Variants in JPH2 observed in about 807,000 individuals in gnomAD.
JPH2 encodes the protein junctophilin 2, also known as junctophilin-2.
Under a neutral mutation model 55.9 loss-of-function variants are expected in JPH2, and 38 were observed. The observed-to-expected ratio is 0.68, with a 90% CI of 0.52 to 0.89. JPH2 has a LOEUF of 0.89. Among genes scored for constraint, JPH2 ranks in the 40% least tolerant of loss-of-function variants. JPH2 has a pLI of 0.00. For synonymous variants in JPH2, 480 were observed against 472.4 expected, an observed-to-expected ratio of 1.02 and a Z score of -0.21; for missense variants, 964 against 1,037.6, an observed-to-expected ratio of 0.93 and a Z score of 0.97.
rs2072121690 is a variant in JPH2, at chr20:44,108,542, G to A, written c.*4976C>T. Among the ~76,000 whole-genome samples the A allele has an allele frequency of 6.6e-6, 1 of 150,924 alleles. No homozygotes were observed. Among genetic ancestry groups the A allele is most frequent in the South Asian group, 2.1e-4 (1 of 4,798 alleles). On this transcript the variant is annotated 3_prime_UTR_variant, in exon 6 of 6. Transcript: ENST00000372980. The stretch of plus-strand genomic sequence containing the variant: ...CAGCCTCAAGATTGCTGACTTTACA[G>A]CCTCAAGATGTAAATAGCTTTAAAA...
chr20:44,161,206 C>G (rs2145880408), intron 1 of JPH2, among the ~76,000 whole-genome samples: 1 of 152,118 alleles, frequency 6.6e-6, no homozygotes, highest in Admixed American at 6.5e-5. Context: ...TATCAGAGTG[C>G]CAAAGAACAA....
At chr20:44,138,009 C>CTTTTTTTT (rs556691395) in intron 2 of JPH2, among the ~76,000 whole-genome samples, 35 of 140,796 alleles carry the variant, frequency 2.5e-4, no homozygotes, top group African/African-American at 9.2e-4. Context: ...TTAAAAAGAC[C>CTTTTTTTT]TTTTTTTTTT....
chr20:44,133,047 A>G (rs1357068029), intron 2 of JPH2, among the ~76,000 whole-genome samples: 8 of 4,130 alleles, frequency 1.9e-3, no homozygotes, highest in East Asian at 4.8e-3. Flanking sequence ...CACAGCTGCA[A>G]CTCTCACCCA....
At chr20:44,184,192 T>C (rs141822579) in intron 1 of JPH2, among the ~76,000 whole-genome samples, 149 of 152,164 alleles carry the variant, frequency 9.8e-4, no homozygotes, top group African/African-American at 3.0e-3. Context: ...AGATAGTAAA[T>C]ACTTTGGGTT....
chr20:44,186,254 T>C, intron 1 of JPH2, 73 bp downstream of exon 1: 5 of 1,564,850 alleles, frequency 3.2e-6, no homozygotes, highest in Non-Finnish European at 4.3e-6. Context: ...CCGGTCGCCT[T>C]TCCCACCCTC....
intron 2 of JPH2, among the ~76,000 whole-genome samples, chr20:44,138,310 C>T (rs568420017): frequency 3.3e-4 from 50 of 150,910 alleles, no homozygotes; most frequent in Admixed American, 2.5e-3. Flanking sequence ...GGATTACAGG[C>T]GTGAGCTTTA....
Position 44,116,071 on chromosome 20 carries a change from G to A in JPH2, c.1604C>T (p.Pro535Leu), listed in dbSNP as rs1217775823. The change falls in exon 4 of 6, where the codon CCC becomes CTC. Residue 535 changes from proline to leucine, a missense_variant. By Grantham distance (98) the Pro-to-Leu change is moderately conservative. Transcript: ENST00000372980. The stretch of plus-strand genomic sequence containing the variant: ...CATGCGCTCGGTGGCTGGACGCGCG[G>A]GGCTGCGGCGGCCCGCGCCCTCGGA... ...TPSEGAGRRS[P>L]ARPATERMAI... is the part of the protein sequence containing the mutation. 2 of 1,536,344 alleles carry A rather than the reference G, an allele frequency of 1.3e-6. No homozygotes were observed. The highest frequency in any genetic ancestry group is 1.7e-6 in the Non-Finnish European group (2 of 1,152,502).
chr20:44,134,009 A>G (rs1184617012), intron 2 of JPH2, among the ~76,000 whole-genome samples: 1 of 32,594 alleles, frequency 3.1e-5, no homozygotes, highest in Non-Finnish European at 5.1e-5. Context: ...ATATAAATAT[A>G]TATATTATAA....
rs565445622 is a variant in JPH2, at chr20:44,122,319, G to A, written c.1170-3696C>T. Among the ~76,000 whole-genome samples, 6 of 152,314 alleles carry A rather than the reference G, an allele frequency of 3.9e-5. No individual in the cohort carries two copies. The South Asian group carries it at 1.0e-3, about 26-fold the overall frequency. On this transcript the variant is annotated intron_variant, in intron 2 of 5. Coordinates refer to ENST00000372980, the MANE Select transcript of JPH2 (RefSeq NM_020433.5). ...ACACAGTTTTAGAATTAACAGGCCT[G>A]GATTCCAATTTGGGCTCTGCCAAGG...
chr20:44,175,754 A>G (rs375108995), intron 1 of JPH2, among the ~76,000 whole-genome samples: 1 of 152,228 alleles, frequency 6.6e-6, no homozygotes, highest in Non-Finnish European at 1.5e-5. Flanking sequence ...GGGTGCTGAC[A>G]GCCCTGGAGC....
At chr20:44,134,889 A>T (rs1333609225) in intron 2 of JPH2, among the ~76,000 whole-genome samples, 43 of 37,030 alleles carry the variant, frequency 1.2e-3, no homozygotes, top group African/African-American at 4.1e-3. Flanking sequence ...TATATATATT[A>T]ATATATATTT....
At chr20:44,184,882 T>G (rs1203221048) in intron 1 of JPH2, among the ~76,000 whole-genome samples, 1 of 152,244 alleles carries the variant, frequency 6.6e-6, no homozygotes, top group East Asian at 1.9e-4. Flanking sequence ...TGCAACAGTA[T>G]CTGTACATAC....
At chr20:44,185,489 G>T (rs968029942) in intron 1 of JPH2, among the ~76,000 whole-genome samples, 1 of 151,068 alleles carries the variant, frequency 6.6e-6, no homozygotes, top group Admixed American at 6.6e-5. Flanking sequence ...ACAAAAATTA[G>T]CCAGGCATGG....
chr20:44,134,859 TA>T (rs2072393655), intron 2 of JPH2, among the ~76,000 whole-genome samples: 6 of 39,238 alleles, frequency 1.5e-4, no homozygotes, highest in Non-Finnish European at 2.6e-4. Context: ...TATAAATATA[TA>T]TATAAATATA....
intron 2 of JPH2, among the ~76,000 whole-genome samples, chr20:44,134,928 T>TAAAG (rs1569195998): frequency 9.0e-6 from 1 of 111,524 alleles, no homozygotes; most frequent in Admixed American, 1.3e-4. Context: ...TATATATTTA[T>TAAAG]ATATATATAT....
chr20:44,144,855 T>A (rs564067059), intron 2 of JPH2, among the ~76,000 whole-genome samples: 1 of 152,312 alleles, frequency 6.6e-6, no homozygotes, highest in African/African-American at 2.4e-5. Flanking sequence ...AAGGGGGCAC[T>A]CAGAGATGCC....
At chr20:44,158,178 G>A (rs910711821) in intron 2 of JPH2, among the ~76,000 whole-genome samples, 2 of 152,202 alleles carry the variant, frequency 1.3e-5, no homozygotes, top group African/African-American at 2.4e-5. Context: ...AGGACAGAAC[G>A]GCAGCTGCCG....
rs1287287312 is a variant in JPH2, at chr20:44,108,479, A to G, written c.*5039T>C. Among the ~76,000 whole-genome samples the G allele has an allele frequency of 1.3e-5, 2 of 152,044 alleles. No individual in the cohort carries two copies. Among genetic ancestry groups the G allele is most frequent in the Non-Finnish European group, 2.9e-5 (2 of 68,010 alleles). ...AAACTTGTATCTGGGGTCTGAAGGG[A>G]GAGGGGGAGATTGTTCCCTCAGACT... is the stretch of plus-strand genomic sequence containing the variant. On this transcript the variant is annotated 3_prime_UTR_variant, in exon 6 of 6. Transcript: ENST00000372980.
At chr20:44,146,048 T>A (rs973509700) in intron 2 of JPH2, among the ~76,000 whole-genome samples, 7 of 151,502 alleles carry the variant, frequency 4.6e-5, no homozygotes, top group African/African-American at 1.7e-4. Flanking sequence ...TTTTTTTTTT[T>A]TTTGAGATGG....
Sources: gnomAD v4.1 joint callset for allele counts (sites outside exome capture counted in the v4.1 genomes callset) on GRCh38, gnomAD v4.1.1 for gene constraint, MANE v1.5 for transcripts, NCBI Gene and HGNC (gene_info 2026-07-23, HGNC 2026-07-21) for gene names.